The following OARD1 variants were observed in gnomAD, a reference collection of about 807,000 sequenced individuals.
The protein encoded by OARD1 is ADP-ribose glycohydrolase OARD1.
A neutral mutation model predicts 19.7 loss-of-function variants in OARD1; 19 were observed. The ratio of observed to expected loss-of-function variants is 0.96; its 90% CI spans 0.67 to 1.41. OARD1 has a LOEUF of 1.41. OARD1 is among the 40% of genes most tolerant of loss of function. The pLI is 0.00. For synonymous variants in OARD1, 70 were observed against 61.8 expected (o/e 1.13, Z -0.62); for missense variants, 190 against 183.8 (o/e 1.03, Z -0.20).
At chr6:41,088,304 T>C (rs911175503) in intron 1 of OARD1, among the ~76,000 whole-genome samples, 42 of 149,408 alleles carry the variant, frequency 2.8e-4, no homozygotes, top group Non-Finnish European at 5.3e-4. Flanking sequence ...ACGCCTGTAG[T>C]CCCAGCTACT....
chr6:41,097,644 A>G (rs1040682625), intron 1 of OARD1: 1 of 472,258 alleles, frequency 2.1e-6, no homozygotes, highest in Non-Finnish European at 3.8e-6. Context: ...TGTTGATGAC[A>G]TTGACATTTC....
At chr6:41,083,527 A>G (rs183896031) in intron 1 of OARD1, among the ~76,000 whole-genome samples, 100 of 152,340 alleles carry the variant, frequency 6.6e-4, no homozygotes, top group African/African-American at 2.1e-3. Context: ...CTGTAGGGAA[A>G]AAAGGGTCAT....
chr6:41,090,755 C>A (rs572704175), intron 1 of OARD1, among the ~76,000 whole-genome samples: 14 of 152,000 alleles, frequency 9.2e-5, no homozygotes, highest in African/African-American at 3.1e-4. Context: ...GTAAGAAAGA[C>A]GTGAACAAAT....
At chr6:41,075,388 T>C (rs1216553745), upstream of OARD1, 1 of 152,228 alleles carries the variant, frequency 6.6e-6, no homozygotes, top group Non-Finnish European at 1.5e-5. Context: ...TAAAAATAGG[T>C]ATGTTCTGGT....
At chr6:41,070,801 C>T in intron 3 of OARD1, 1 of 518,954 alleles carries the variant, frequency 1.9e-6, no homozygotes, top group Non-Finnish European at 3.4e-6. Flanking sequence ...TTTCTAAATT[C>T]CTCTTTGAAG....
At chr6:41,081,265 G>A (rs1192154716) in intron 1 of OARD1, among the ~76,000 whole-genome samples, 7 of 152,126 alleles carry the variant, frequency 4.6e-5, no homozygotes, top group African/African-American at 1.7e-4. Context: ...CGAGGCAGGC[G>A]GATCACGAGG....
At chr6:41,097,427 G>GC in intron 1 of OARD1, 1 of 1,613,146 alleles carries the variant, frequency 6.2e-7, no homozygotes, top group Non-Finnish European at 8.5e-7. Flanking sequence ...GCCATGTGAT[G>GC]GAGCTGATCA....
intron 1 of OARD1, chr6:41,091,784 G>A: frequency 6.9e-7 from 1 of 1,441,276 alleles, no homozygotes; most frequent in South Asian, 1.3e-5. Context: ...TGACCTCTTG[G>A]GATTGAGATC....
rs768077503 is a variant in OARD1 at position 41,079,080 on chromosome 6, T to G, written c.-41-7405A>C. On this transcript the variant is annotated intron_variant, in intron 1 of 4. Coordinates refer to the OARD1 transcript ENST00000480585. ...CTCCAGAGTGGACAGGAATCTCACT[T>G]GGAGGGACCATGGAGCAGTATACAG... The G allele has an allele frequency of 5.0e-6, 8 of 1,613,954 alleles. No homozygotes were observed. The South Asian group carries it at 7.7e-5, about 16-fold the overall frequency.
Position 41,072,146 on chromosome 6 carries a change from C to T in OARD1, c.-42+90G>A, listed in dbSNP as rs555543304. On this transcript the variant is annotated intron_variant, in intron 1 of 5. Coordinates refer to ENST00000424266, the MANE Select transcript of OARD1 (RefSeq NM_001329686.2). Reference sequence around the variant, plus strand: ...CCCAGGCGTGGGGAAAGGAAGGCGGCCTCTCAAGGAACGTTCACCCCCCAC... The same window carrying T: ...CCCAGGCGTGGGGAAAGGAAGGCGGTCTCTCAAGGAACGTTCACCCCCCAC... The T allele has an allele frequency of 3.7e-4, 57 of 156,036 alleles. 2 individuals are homozygous for T. Among genetic ancestry groups the T allele is most frequent in the Admixed American group, 3.0e-3 (47 of 15,896 alleles). The allele number at this position is 156,036 out of a possible 1,614,324, so 9.7% of individuals were successfully genotyped here.
Position 41,066,513 on chromosome 6 carries a change from G to A in OARD1, c.*822C>T, listed in dbSNP as rs542284632. 1 of 152,264 alleles carries A rather than the reference G, an allele frequency of 6.6e-6. No homozygotes were observed. Among genetic ancestry groups the A allele is most frequent in the Admixed American group, 6.5e-5 (1 of 15,294 alleles). The allele number at this position is 152,264 out of a possible 1,614,324, so 9.4% of individuals were successfully genotyped here. On this transcript the variant is annotated 3_prime_UTR_variant, in exon 6 of 6. Coordinates refer to ENST00000424266, the MANE Select transcript of OARD1 (RefSeq NM_001329686.2). ...TTATTGGGTCACTAGTCTGTGCTAA[G>A]TACTCTGCCAGGCATTTAACATACA...
At chr6:41,094,624 AT>A in intron 1 of OARD1, 1 of 646,074 alleles carries the variant, frequency 1.5e-6, no homozygotes, top group South Asian at 1.9e-5. Flanking sequence ...ACTGGATGCA[AT>A]CTTATGTCTC....
At chr6:41,080,964 T>C in intron 1 of OARD1, 2 of 1,306,202 alleles carry the variant, frequency 1.5e-6, no homozygotes, top group South Asian at 2.4e-5. Flanking sequence ...CTGGTGCTGT[T>C]TGTGTTAGGA....
chr6:41,068,354 G>T (rs1319405293), intron 5 of OARD1, among the ~76,000 whole-genome samples: 3 of 152,218 alleles, frequency 2.0e-5, no homozygotes. Flanking sequence ...ATCAGGGACA[G>T]ATCCTCTGGC....
chr6:41,086,970 C>T (rs188765869), intron 1 of OARD1, among the ~76,000 whole-genome samples: 3 of 151,972 alleles, frequency 2.0e-5, no homozygotes, highest in Non-Finnish European at 4.4e-5. Flanking sequence ...AACAAATTGA[C>T]TAAAACATAA....
At chr6:41,072,983 C>T (rs905748766), upstream of OARD1, 3 of 154,878 alleles carry the variant, frequency 1.9e-5, no homozygotes, top group Admixed American at 6.5e-5. Context: ...TGCTAGGCAG[C>T]GGCAGTGGCG....
At chr6:41,092,926 T>C (rs1258938557) in intron 1 of OARD1, 4 of 1,613,704 alleles carry the variant, frequency 2.5e-6, no homozygotes, top group Non-Finnish European at 3.4e-6. Flanking sequence ...TTCCTGGGGC[T>C]GGCTCTGTGC....
upstream of OARD1, among the ~76,000 whole-genome samples, chr6:41,073,763 C>T (rs191152180): frequency 4.7e-4 from 71 of 152,122 alleles, no homozygotes; most frequent in East Asian, 8.5e-3. Flanking sequence ...CGTTAGTTCG[C>T]CCACTCCCCC....
At chr6:41,088,190 G>A (rs535686708) in intron 1 of OARD1, among the ~76,000 whole-genome samples, 1 of 152,024 alleles carries the variant, frequency 6.6e-6, no homozygotes, top group East Asian at 1.9e-4. Flanking sequence ...TGGCCGAGGC[G>A]GGTGGATCAC....
Sources: gnomAD v4.1 joint callset for allele counts (sites outside exome capture counted in the v4.1 genomes callset) on GRCh38, gnomAD v4.1.1 for gene constraint, MANE v1.5 for transcripts, NCBI Gene and HGNC (gene_info 2026-07-23, HGNC 2026-07-21) for gene names.